TMC2: variants seen among roughly 807,000 people sequenced by gnomAD.
TMC2 encodes the protein transmembrane channel like 2.
A neutral mutation model predicts 105.9 loss-of-function variants in TMC2; 102 were observed. That is an observed-to-expected ratio of 0.96 (90% CI 0.82 to 1.14). TMC2 has a LOEUF of 1.14. TMC2 is among the 50% of genes most tolerant of loss of function. The probability of loss-of-function intolerance (pLI) is 0.00; values close to 1 mark genes in which losing one functional copy is unlikely to be tolerated. For synonymous variants in TMC2, 402 were observed against 422.8 expected (o/e 0.95, Z 0.60); for missense variants, 1,093 against 1,134.3 (o/e 0.96, Z 0.52).
chr20:2,602,425 A>G, intron 11 of TMC2, 124 bp downstream of exon 11: 1 of 676,398 alleles, frequency 1.5e-6, no homozygotes, highest in Non-Finnish European at 2.3e-6. Flanking sequence ...GTGAAATTAC[A>G]TCCCCTTCCA....
chr20:2,541,235 A>C (rs2422777), intron 2 of TMC2, among the ~76,000 whole-genome samples: 13,662 of 152,260 alleles, frequency 0.09, 680 homozygotes, highest in South Asian at 0.14. Flanking sequence ...AGGTTAATTC[A>C]TTATTCTATT....
At chr20:2,569,331 A>T (rs2086086784) in intron 4 of TMC2, among the ~76,000 whole-genome samples, 1 of 152,230 alleles carries the variant, frequency 6.6e-6, no homozygotes, top group Admixed American at 6.5e-5. Context: ...TCCAACTTTA[A>T]CAGGGTGCTC....
chr20:2,571,177 G>A (rs1053597340), intron 4 of TMC2, among the ~76,000 whole-genome samples: 7 of 152,156 alleles, frequency 4.6e-5, no homozygotes, highest in African/African-American at 1.7e-4. Context: ...CAAAGCTGCT[G>A]CACAACAAAA....
intron 16 of TMC2, among the ~76,000 whole-genome samples, chr20:2,620,602 A>G (rs2086517980): frequency 6.6e-6 from 1 of 152,222 alleles, no homozygotes; most frequent in African/African-American, 2.4e-5. Context: ...AAACATTACC[A>G]ACTTGGACTG....
intron 17 of TMC2, 143 bp from the exon 18 acceptor site, chr20:2,635,783 T>C (rs2086637697): frequency 3.0e-6 from 2 of 667,294 alleles, no homozygotes; most frequent in Non-Finnish European, 2.7e-6. Flanking sequence ...CTTCTCCACA[T>C]TGAGAAAAGA....
At chr20:2,567,545 G>A (rs1032820854) in intron 4 of TMC2, among the ~76,000 whole-genome samples, 2 of 152,042 alleles carry the variant, frequency 1.3e-5, no homozygotes, top group African/African-American at 4.8e-5. Flanking sequence ...GTCTGACAAA[G>A]GTTTTATTTT....
At chr20:2,567,349 C>A (rs1381073886) in intron 4 of TMC2, among the ~76,000 whole-genome samples, 1 of 152,158 alleles carries the variant, frequency 6.6e-6, no homozygotes, top group African/African-American at 2.4e-5. Flanking sequence ...CTACAACTAC[C>A]ATAGCAATGT....
intron 8 of TMC2, among the ~76,000 whole-genome samples, chr20:2,593,167 G>A (rs889592024): frequency 2.5e-4 from 38 of 152,132 alleles, no homozygotes; most frequent in Non-Finnish European, 5.1e-4. Context: ...AGAAGACAGA[G>A]AGCACAGGGG....
chr20:2,602,342 A>G (rs1458834238), intron 11 of TMC2, 41 bp downstream of exon 11: 6 of 1,445,652 alleles, frequency 4.2e-6, no homozygotes, highest in Non-Finnish European at 4.7e-6. Flanking sequence ...TTGATGGCAA[A>G]TACTGAAATC....
Position 2,536,603 on chromosome 20 carries a change from C to A in TMC2, c.-19C>A. 1.3e-6 allele frequency: 2 copies of A among 1,566,320 alleles called. No individual in the cohort carries two copies. The highest frequency in any genetic ancestry group is 2.3e-5 in the East Asian group (1 of 42,744). On this transcript the variant is annotated 5_prime_UTR_variant, in exon 1 of 20. Transcript: ENST00000358864. ...CACGCTGCGTGAGCCTGTGCAGGAC[C>A]CCAGCAGTGCTGCTGACCATGAGCC...
chr20:2,559,848 A>G (rs995586146), intron 3 of TMC2, among the ~76,000 whole-genome samples: 1 of 152,166 alleles, frequency 6.6e-6, no homozygotes, highest in Non-Finnish European at 1.5e-5. Context: ...TGCACCGTTG[A>G]TGGGCCCTGG....
chr20:2,561,022 T>A (rs2086022568), intron 3 of TMC2, among the ~76,000 whole-genome samples: 2 of 152,188 alleles, frequency 1.3e-5, no homozygotes, highest in African/African-American at 4.8e-5. Flanking sequence ...TGCTGAGCAC[T>A]TGAAATGTGG....
At chr20:2,631,674 C>G (rs2086604088) in intron 17 of TMC2, among the ~76,000 whole-genome samples, 1 of 146,434 alleles carries the variant, frequency 6.8e-6, no homozygotes, top group Non-Finnish European at 1.5e-5. Context: ...ATTTGTTTCT[C>G]TCTTTCTGGA....
In TMC2 at chr20:2,637,539, C is replaced by T. The variant is rs368480563; in HGVS notation, c.2451C>T (p.Asp817=). 6.2e-7 allele frequency: 1 copy of T among 1,614,074 alleles called. No homozygotes were observed. Among genetic ancestry groups the T allele is most frequent in the East Asian group, 2.2e-5 (1 of 44,880 alleles). Residue 817 remains aspartate (D), a synonymous_variant, in exon 19 of 20, where the codon GAC becomes GAT. Coordinates refer to ENST00000358864, the MANE Select transcript of TMC2 (RefSeq NM_080751.3). ...KGKATARDSE[D]TPKSSSKNAT... ...AAGCCACAGCCAGAGATTCAGAGGA[C>T]ACACCTAAAAGCAGCTCCAAAAATG...
chr20:2,594,797 C>T, intron 8 of TMC2, 28 bp from the exon 9 acceptor site: 1 of 1,610,858 alleles, frequency 6.2e-7, no homozygotes, highest in Non-Finnish European at 8.5e-7. Context: ...CTTACCAACC[C>T]AGAGCATTTG....
intron 2 of TMC2, among the ~76,000 whole-genome samples, chr20:2,540,178 G>T (rs1331484343): frequency 6.6e-6 from 1 of 151,156 alleles, no homozygotes; most frequent in Non-Finnish European, 1.5e-5. Context: ...TTTTAGTAGA[G>T]ACCGGGTTTC....
intron 5 of TMC2, among the ~76,000 whole-genome samples, chr20:2,575,175 T>C (rs756311560): frequency 7.9e-5 from 12 of 152,066 alleles, no homozygotes; most frequent in Non-Finnish European, 1.3e-4. Context: ...CAATGAAGAA[T>C]GTGCTGTTCA....
chr20:2,601,595 G>T (rs2086352020), intron 10 of TMC2, among the ~76,000 whole-genome samples: 1 of 151,986 alleles, frequency 6.6e-6, no homozygotes, highest in Admixed American at 6.6e-5. Flanking sequence ...AATCCCAGCA[G>T]TTTGGGAGGC....
Position 2,592,999 on chromosome 20 carries a change from A to G in TMC2, c.933+591A>G, listed in dbSNP as rs961314743. On this transcript the variant is annotated intron_variant, in intron 8 of 19. Coordinates refer to ENST00000358864, the MANE Select transcript of TMC2 (RefSeq NM_080751.3). The surrounding 1 kb of genome is among the most constrained non-coding windows in gnomAD (Gnocchi z 4.9). ...ATTTCTTAAATCTTTTGTAAACCCA[A>G]TTGTATTAGTTCATGTTCACACTAC... 6.6e-6 allele frequency among the ~76,000 whole-genome samples: 1 copy of G among 152,146 alleles called. No homozygotes were observed. The highest frequency in any genetic ancestry group is 1.5e-5 in the Non-Finnish European group (1 of 68,036).
Sources: gnomAD v4.1 joint callset for allele counts (sites outside exome capture counted in the v4.1 genomes callset) on GRCh38, gnomAD v4.1.1 for gene constraint, Gnocchi (gnomAD v3.1) non-coding constraint, MANE v1.5 for transcripts, NCBI Gene and HGNC (gene_info 2026-07-23, HGNC 2026-07-21) for gene names.